Variants in GTF3C4 observed in about 807,000 individuals in gnomAD.
GTF3C4 encodes the protein general transcription factor IIIC subunit 4.
In GTF3C4, 28 loss-of-function variants were observed where a neutral mutation model predicts 67.5. The observed-to-expected ratio is 0.41, with a 90% CI of 0.31 to 0.57. GTF3C4 has a LOEUF of 0.57. Ranked by LOEUF, GTF3C4 falls within the 20% of genes least tolerant of loss-of-function variation. GTF3C4 has a pLI of 0.21. For missense variants in GTF3C4, 831 were observed against 1,033.2 expected, an observed-to-expected ratio of 0.80 and a Z score of 2.68; for synonymous variants, 409 against 393.0, an observed-to-expected ratio of 1.04 and a Z score of -0.48.
chr9:132,681,229 C>T (rs752022780), intron 2 of GTF3C4, among the ~76,000 whole-genome samples: 8 of 152,150 alleles, frequency 5.3e-5, no homozygotes, highest in Non-Finnish European at 8.8e-5. Flanking sequence ...TTAGCAAAAA[C>T]ATGTTAGAAA....
rs1836039734 is a variant in GTF3C4 at position 132,686,977 on chromosome 9, CTA to C, written c.2316-261_2316-260del. On this transcript the variant is annotated intron_variant, in intron 3 of 4. Coordinates refer to ENST00000372146, the MANE Select transcript of GTF3C4 (RefSeq NM_012204.4). ...TAAAGTGCGGTCAGGTGTGGACAGA[CTA>C]AATTCTTTTCTGATGCTCAAACAGG... Among the ~76,000 whole-genome samples, 4 of 152,318 alleles carry C rather than the reference CTA, an allele frequency of 2.6e-5. No homozygotes were observed. In the South Asian group the frequency reaches 8.3e-4, roughly 32 times the overall value.
Position 132,679,792 on chromosome 9 carries a change from A to T in GTF3C4, c.2173A>T (p.Arg725Ter). ...AATGTCTGATGAAGAGTATGATGAC[A>T]GAACTGCACGGGTAGGTGTTTATTA... Reference protein sequence around the residue: ...FLMSDEEYDDRTARVLIGHIS... With the variant: ...FLMSDEEYDD Residue 725 changes from arginine (R) to a stop codon, truncating the protein, a stop_gained, in exon 2 of 5, where the codon AGA becomes TGA. Transcript: ENST00000372146. LOFTEE classifies it high-confidence loss of function. The surrounding 1 kb of genome is among the most constrained non-coding windows in gnomAD (Gnocchi z 5.9). The T allele has an allele frequency of 6.3e-7, 1 of 1,595,130 alleles. No homozygotes were observed. The highest frequency in any genetic ancestry group is 8.6e-7 in the Non-Finnish European group (1 of 1,166,306).
rs533365711 is a variant in GTF3C4 at position 132,690,748 on chromosome 9, G to A, written c.*1803G>A. The A allele has an allele frequency of 6.6e-6, 1 of 152,236 alleles. No homozygotes were observed. The highest frequency in any genetic ancestry group is 1.9e-4 in the East Asian group (1 of 5,176). The allele number at this position is 152,236 out of a possible 1,614,324, so 9.4% of individuals were successfully genotyped here. A position where few individuals can be genotyped will look rare whatever the true frequency, so the allele number is the denominator to read the frequency against. ...AGTAACAGAATTCAGAACATTGTAT[G>A]GTGGAAGTCATTTGTGTCTGCAGCT... On this transcript the variant is annotated 3_prime_UTR_variant, in exon 5 of 5. Coordinates refer to ENST00000372146, the MANE Select transcript of GTF3C4 (RefSeq NM_012204.4).
rs1315773930 is a variant in GTF3C4, at chr9:132,692,581, G to A, written c.*3636G>A. 6.6e-6 allele frequency: 1 copy of A among 151,794 alleles called. No individual in the cohort carries two copies. Among genetic ancestry groups the A allele is most frequent in the Non-Finnish European group, 1.5e-5 (1 of 67,964 alleles). The allele number at this position is 151,794 out of a possible 1,614,324, so 9.4% of individuals were successfully genotyped here. On this transcript the variant is annotated 3_prime_UTR_variant, in exon 5 of 5. Transcript: ENST00000372146. ...CAAATAGGCAGACAAATACAGGAAT[G>A]TCTTTACAATTAGCCCACCATGGAC...
chr9:132,670,158 C>T (rs774123616), upstream of GTF3C4: 2 of 1,594,064 alleles, frequency 1.3e-6, no homozygotes, highest in East Asian at 2.3e-5. Context: ...CCCCTCTCTG[C>T]GTCCCTCGCG....
chr9:132,673,217 A>G (rs3824572), intron 1 of GTF3C4, among the ~76,000 whole-genome samples: 72,229 of 151,878 alleles, frequency 0.48, 17,921 homozygotes, highest in African/African-American at 0.61. Flanking sequence ...GCAGTTATAC[A>G]GGTATGAAGG....
intron 1 of GTF3C4, among the ~76,000 whole-genome samples, chr9:132,676,445 A>G (rs1835866346): frequency 6.6e-6 from 1 of 151,402 alleles, no homozygotes; most frequent in African/African-American, 2.4e-5. Context: ...CAGCCTCCCA[A>G]GTAGCTGGGG....
At position 132,693,114 on chromosome 9, in the gene GTF3C4, A is replaced by G. The variant is rs1472904296; in HGVS notation, c.*4169A>G. On this transcript the variant is annotated 3_prime_UTR_variant, in exon 5 of 5. Transcript: ENST00000372146. ...AAGATTGTAAACTCATTTCCATGGCACAGATACAAATCATCGTCAGGACTT... is the reference window on the plus strand; with the variant it reads ...AAGATTGTAAACTCATTTCCATGGCGCAGATACAAATCATCGTCAGGACTT... 1 of 152,212 alleles carries G rather than the reference A, an allele frequency of 6.6e-6. No homozygotes were observed. The highest frequency in any genetic ancestry group is 1.5e-5 in the Non-Finnish European group (1 of 68,024). 9.4% of individuals were successfully genotyped at this position (152,212 alleles called of 1,614,324 possible). A position where few individuals can be genotyped will look rare whatever the true frequency, so the allele number is the denominator to read the frequency against.
chr9:132,675,643 T>C (rs1835852913), intron 1 of GTF3C4, among the ~76,000 whole-genome samples: 1 of 152,180 alleles, frequency 6.6e-6, no homozygotes, highest in African/African-American at 2.4e-5. Flanking sequence ...GGCCGAGGCA[T>C]TTAGTGTCCT....
At chr9:132,677,782 C>A (rs1835883188) in intron 1 of GTF3C4, among the ~76,000 whole-genome samples, 195 bp from the exon 2 acceptor site, 2 of 152,048 alleles carry the variant, frequency 1.3e-5, no homozygotes, top group South Asian at 4.1e-4. Context: ...TTGTTAACAC[C>A]TTTTTTGTTT....
intron 3 of GTF3C4, among the ~76,000 whole-genome samples, chr9:132,686,539 G>A (rs1228016932): frequency 6.6e-6 from 1 of 152,102 alleles, no homozygotes; most frequent in Non-Finnish European, 1.5e-5. Context: ...CAACCCAGAT[G>A]TACCCTTTCC....
intron 3 of GTF3C4, among the ~76,000 whole-genome samples, chr9:132,684,734 A>T (rs1836000141): frequency 1.3e-5 from 2 of 152,284 alleles, no homozygotes; most frequent in Middle Eastern, 3.4e-3. Context: ...GTTCCAGCAG[A>T]TGTCCACGTG....
chr9:132,672,407 G>A (rs542223239), intron 1 of GTF3C4, among the ~76,000 whole-genome samples: 15 of 152,302 alleles, frequency 9.8e-5, no homozygotes. Context: ...CCTAAAGAAG[G>A]TAGTGTTTGG....
intron 1 of GTF3C4, among the ~76,000 whole-genome samples, chr9:132,671,353 A>G (rs1835752774): frequency 6.6e-6 from 1 of 152,030 alleles, no homozygotes; most frequent in South Asian, 2.1e-4. Context: ...TTTGGGGCCG[A>G]CTTTCCGAGG....
intron 1 of GTF3C4, among the ~76,000 whole-genome samples, chr9:132,677,410 A>G (rs1300913466): frequency 6.6e-6 from 1 of 152,214 alleles, no homozygotes; most frequent in Non-Finnish European, 1.5e-5. Context: ...TTACTGTCCC[A>G]TACATGTTAC....
chr9:132,678,779 G>A lies in GTF3C4; in HGVS notation c.1160G>A (p.Ser387Asn). Residue 387 changes from serine to asparagine, a missense_variant, in exon 2 of 5, where the codon AGT becomes AAT. By Grantham distance (46) the Ser-to-Asn change is conservative. This residue lies in a region of GTF3C4 where 390 missense variants were observed against 540.3 expected (regional missense o/e 0.72). Transcript: ENST00000372146. This position sits in a 1 kb window ranked among gnomAD's most constrained non-coding sequence, Gnocchi z 6.5. ...CTTTATCATCCTTACCAGAAGTGTAGTTGCAGCTTAGTAGTGGCTGCAAGA... is the reference window on the plus strand; with the variant it reads ...CTTTATCATCCTTACCAGAAGTGTAATTGCAGCTTAGTAGTGGCTGCAAGA... ...VPLYHPYQKC[S>N]CSLVVAARGS... The A allele has an allele frequency of 6.2e-7, 1 of 1,613,976 alleles. No individual in the cohort carries two copies. The highest frequency in any genetic ancestry group is 1.7e-5 in the Admixed American group (1 of 60,020).
Position 132,670,504 on chromosome 9 carries a change from C to A in GTF3C4, c.-95C>A. Reference sequence around the variant, plus strand: ...CTCGGGGCCTGAGGGGAGAAAACCGCCGCGGAGGGCGCTGGGGGTGGCGGC... The same window carrying A: ...CTCGGGGCCTGAGGGGAGAAAACCGACGCGGAGGGCGCTGGGGGTGGCGGC... On this transcript the variant is annotated 5_prime_UTR_variant, in exon 1 of 5. Coordinates refer to ENST00000372146, the MANE Select transcript of GTF3C4 (RefSeq NM_012204.4). 1 of 1,110,620 alleles carries A rather than the reference C, an allele frequency of 9.0e-7. No homozygotes were observed. Among genetic ancestry groups the A allele is most frequent in the Non-Finnish European group, 1.2e-6 (1 of 833,366 alleles). 68.8% of individuals were successfully genotyped at this position (1,110,620 alleles called of 1,614,324 possible). A position where few individuals can be genotyped will look rare whatever the true frequency, so the allele number is the denominator to read the frequency against.
In GTF3C4 at chr9:132,692,608, G is replaced by A. The variant is rs2130905834; in HGVS notation, c.*3663G>A. On this transcript the variant is annotated 3_prime_UTR_variant, in exon 5 of 5. Coordinates refer to ENST00000372146, the MANE Select transcript of GTF3C4 (RefSeq NM_012204.4). ...CTTTACAATTAGCCCACCATGGACT[G>A]TTTTGAGTCTCTGCATGGTTTCCAT... The A allele has an allele frequency of 1.3e-5, 2 of 152,252 alleles. No individual in the cohort carries two copies. The highest frequency in any genetic ancestry group is 4.8e-5 in the African/African-American group (2 of 41,568). The allele number at this position is 152,252 out of a possible 1,614,324, so 9.4% of individuals were successfully genotyped here.
At chr9:132,674,440 C>G (rs1835835387) in intron 1 of GTF3C4, among the ~76,000 whole-genome samples, 1 of 152,208 alleles carries the variant, frequency 6.6e-6, no homozygotes, top group African/African-American at 2.4e-5. Flanking sequence ...TCCTACCAGT[C>G]AAGATCTGTA....
Sources: allele counts gnomAD v4.1 joint callset (sites outside exome capture counted in the v4.1 genomes callset), GRCh38; gene constraint gnomAD v4.1.1; regional missense constraint gnomAD v4.1.1; non-coding constraint Gnocchi (gnomAD v3.1); transcripts MANE v1.5; gene names NCBI Gene and HGNC (gene_info 2026-07-23, HGNC 2026-07-21).